Variants in TMEM178A observed in about 807,000 individuals in gnomAD.
TMEM178A encodes transmembrane protein 178.
TMEM178A carries 12 observed loss-of-function variants against 29.1 expected under a neutral mutation model. That is an observed-to-expected ratio of 0.41 (90% confidence interval 0.26 to 0.67). The LOEUF is 0.67. Ranked by LOEUF, TMEM178A falls within the 30% of genes least tolerant of loss-of-function variation. The pLI is 0.29. For missense variants in TMEM178A, 366 were observed against 419.1 expected (o/e 0.87, Z 1.11); for synonymous variants, 210 against 187.2 (o/e 1.12, Z -0.99).
chr2:39,665,754 G>C (rs1192997711), upstream of TMEM178A: 1 of 379,384 alleles, frequency 2.6e-6, no homozygotes, highest in African/African-American at 2.5e-5. Flanking sequence ...AGGGCTAGGA[G>C]CCCGGGGGCC....
rs1006333481 is a variant in TMEM178A, at chr2:39,717,374, T to C, written c.*123T>C. 51 of 1,387,062 alleles carry C rather than the reference T, an allele frequency of 3.7e-5. No individual in the cohort carries two copies. Among genetic ancestry groups the C allele is most frequent in the Non-Finnish European group, 4.5e-5 (47 of 1,041,900 alleles). 85.9% of individuals were successfully genotyped at this position (1,387,062 alleles called of 1,614,324 possible). ...CTGTTGCCTGCCAGCCCTTTCTGGA[T>C]TACTGATAGAAAATCATGCAAAACC... On this transcript the variant is annotated 3_prime_UTR_variant, in exon 4 of 4. Coordinates refer to ENST00000281961, the MANE Select transcript of TMEM178A (RefSeq NM_152390.3).
At chr2:39,699,029 T>TC (rs1192812320) in intron 1 of TMEM178A, among the ~76,000 whole-genome samples, 3 of 150,978 alleles carry the variant, frequency 2.0e-5, no homozygotes, top group African/African-American at 7.3e-5. Context: ...ATTCCTGATT[T>TC]TTTTTTTTTT....
At chr2:39,698,798 T>A (rs137966183) in intron 1 of TMEM178A, among the ~76,000 whole-genome samples, 2 of 152,188 alleles carry the variant, frequency 1.3e-5, no homozygotes, top group African/African-American at 4.8e-5. Flanking sequence ...GGAATTTTCT[T>A]TGTGGCAAGT....
the TMEM178A span, among the ~76,000 whole-genome samples, chr2:39,734,214 C>G: frequency 6.6e-6 from 1 of 152,232 alleles, no homozygotes. Flanking sequence ...TGGTCAAGGT[C>G]ATGAATGACT....
chr2:39,678,632 T>C (rs1327394834), intron 1 of TMEM178A, among the ~76,000 whole-genome samples: 1 of 152,136 alleles, frequency 6.6e-6, no homozygotes, highest in Admixed American at 6.6e-5. Flanking sequence ...AAATAGATAT[T>C]GGGAGTGATT....
At chr2:39,668,576 A>G (rs553419764) in intron 1 of TMEM178A, among the ~76,000 whole-genome samples, 24 of 152,334 alleles carry the variant, frequency 1.6e-4, no homozygotes, top group East Asian at 1.5e-3. Flanking sequence ...TCTAGTTCAC[A>G]TATCTGTCAT....
the TMEM178A span, among the ~76,000 whole-genome samples, chr2:39,731,797 G>A: frequency 6.6e-6 from 1 of 152,204 alleles, no homozygotes; most frequent in Non-Finnish European, 1.5e-5. Context: ...TTGGCGAGAA[G>A]TCCTTGTTGG....
the TMEM178A span, among the ~76,000 whole-genome samples, chr2:39,724,326 T>C: frequency 6.6e-6 from 1 of 151,892 alleles, no homozygotes. Context: ...AGAGGTAGGA[T>C]AGCAACTCAA....
upstream of TMEM178A, chr2:39,665,733 C>T: frequency 3.2e-6 from 1 of 311,456 alleles, no homozygotes; most frequent in Non-Finnish European, 5.3e-6. Context: ...AAAGCGAGAG[C>T]GGCGCGGGGG....
the TMEM178A span, among the ~76,000 whole-genome samples, chr2:39,733,726 A>G: frequency 6.6e-6 from 1 of 152,306 alleles, no homozygotes; most frequent in Non-Finnish European, 1.5e-5. Flanking sequence ...CCCAACCAGA[A>G]TTTATGTTTC....
chr2:39,674,321 A>G (rs536879800), intron 1 of TMEM178A, among the ~76,000 whole-genome samples: 16 of 152,368 alleles, frequency 1.1e-4, no homozygotes, highest in African/African-American at 3.4e-4. Context: ...ACACAATAGA[A>G]TACTACTCAG....
intron 1 of TMEM178A, among the ~76,000 whole-genome samples, chr2:39,702,064 T>C (rs570549422): frequency 1.4e-4 from 22 of 152,248 alleles, no homozygotes; most frequent in African/African-American, 5.3e-4. Context: ...ACAGCTTCTA[T>C]TGACTGCTTT....
chr2:39,688,784 C>G (rs1558451391), intron 1 of TMEM178A, among the ~76,000 whole-genome samples: 1 of 152,106 alleles, frequency 6.6e-6, no homozygotes, highest in Non-Finnish European at 1.5e-5. Flanking sequence ...TTCAGAAATA[C>G]AACTCTGTCA....
intron 2 of TMEM178A, among the ~76,000 whole-genome samples, 164 bp from the exon 3 acceptor site, chr2:39,706,885 G>A (rs1572689516): frequency 1.3e-5 from 2 of 152,300 alleles, no homozygotes; most frequent in Non-Finnish European, 2.9e-5. Context: ...GTCCTCTTAT[G>A]GAATACCTGG....
chr2:39,702,575 T>C (rs1671830429), intron 1 of TMEM178A, among the ~76,000 whole-genome samples: 1 of 152,080 alleles, frequency 6.6e-6, no homozygotes, highest in Admixed American at 6.6e-5. Flanking sequence ...AGCACAGGCA[T>C]TTCCTGACTT....
chr2:39,698,145 A>C (rs2716698), intron 1 of TMEM178A, among the ~76,000 whole-genome samples: 8,620 of 152,292 alleles, frequency 0.057, 812 homozygotes, highest in African/African-American at 0.2. Context: ...TAGCTTAACT[A>C]TCCACAAAAT....
the TMEM178A span, among the ~76,000 whole-genome samples, chr2:39,735,524 T>A: frequency 6.6e-6 from 1 of 152,154 alleles, no homozygotes; most frequent in Non-Finnish European, 1.5e-5. Context: ...CCATACACTT[T>A]CTATAACACT....
intron 3 of TMEM178A, among the ~76,000 whole-genome samples, chr2:39,707,989 C>A (rs113223747): frequency 3.3e-5 from 5 of 152,314 alleles, no homozygotes; most frequent in African/African-American, 7.2e-5. Flanking sequence ...TTACTATGTA[C>A]GAGGCACTGC....
intron 3 of TMEM178A, 77 bp downstream of exon 3, chr2:39,707,263 G>C: frequency 6.8e-7 from 1 of 1,468,392 alleles, no homozygotes; most frequent in Non-Finnish European, 9.0e-7. Context: ...GTGTCGCTTT[G>C]TTATCTCCCT....
Sources: allele counts gnomAD v4.1 joint callset (sites outside exome capture counted in the v4.1 genomes callset), GRCh38; gene constraint gnomAD v4.1.1; transcripts MANE v1.5; gene names NCBI Gene and HGNC (gene_info 2026-07-23, HGNC 2026-07-21).